The following NUP98 variants were observed in gnomAD, a reference collection of about 807,000 sequenced individuals.
The protein encoded by NUP98 is nuclear pore complex protein Nup98-Nup96.
Under a neutral mutation model 191.9 loss-of-function variants are expected in NUP98, and 26 were observed. The ratio of observed to expected loss-of-function variants is 0.14; its 90% CI spans 0.10 to 0.19. NUP98 has a LOEUF of 0.19. Among genes scored for constraint, NUP98 ranks in the 10% least tolerant of loss-of-function variants. The pLI, the probability that NUP98 is intolerant of heterozygous loss-of-function variation, is 1.00. For synonymous variants in NUP98, 808 were observed against 778.4 expected (o/e 1.04, Z -0.63); for missense variants, 1,941 against 2,178.8 (o/e 0.89, Z 2.17).
intron 15 of NUP98, among the ~76,000 whole-genome samples, chr11:3,724,678 A>C (rs1171974291): frequency 6.6e-6 from 1 of 150,612 alleles, no homozygotes; most frequent in East Asian, 2.0e-4. Context: ...CTGTATTCCC[A>C]GCTACATGGG....
chr11:3,792,489 T>C (rs1348843311), intron 1 of NUP98, among the ~76,000 whole-genome samples: 1 of 152,062 alleles, frequency 6.6e-6, no homozygotes, highest in East Asian at 1.9e-4. Flanking sequence ...TACACACCTG[T>C]AGTCCCAGCT....
intron 30 of NUP98, 42 bp downstream of exon 30, chr11:3,683,158 G>A: frequency 9.9e-6 from 16 of 1,610,516 alleles, no homozygotes; most frequent in Non-Finnish European, 1.4e-5. Context: ...GAGGTTGGAG[G>A]AATTTGGGGT....
intron 8 of NUP98, among the ~76,000 whole-genome samples, chr11:3,764,477 G>GT (rs931857673): frequency 1.3e-5 from 2 of 152,084 alleles, no homozygotes; most frequent in African/African-American, 2.4e-5. Flanking sequence ...GGGTCATATC[G>GT]TAACTCTGTT....
intron 30 of NUP98, among the ~76,000 whole-genome samples, chr11:3,681,888 T>G (rs151207973): frequency 3.7e-4 from 57 of 152,340 alleles, no homozygotes; most frequent in African/African-American, 1.3e-3. Flanking sequence ...TGAAAGTCCT[T>G]GGTGGCATCT....
chr11:3,751,642 T>G (rs1039725403), intron 11 of NUP98, among the ~76,000 whole-genome samples: 18 of 152,114 alleles, frequency 1.2e-4, no homozygotes, highest in Non-Finnish European at 2.2e-4. Flanking sequence ...GAGGATGGCT[T>G]CAGCCCAGGG....
intron 18 of NUP98, among the ~76,000 whole-genome samples, chr11:3,717,769 G>A (rs1474295555): frequency 6.6e-6 from 1 of 152,172 alleles, no homozygotes; most frequent in East Asian, 1.9e-4. Context: ...AAAGCCTTCT[G>A]TATTTGAGTG....
intron 24 of NUP98, 141 bp from the exon 25 acceptor site, chr11:3,699,489 T>A (rs1388398623): frequency 3.5e-6 from 3 of 847,094 alleles, no homozygotes; most frequent in Non-Finnish European, 5.4e-6. Context: ...ACCCTGAATC[T>A]GTCTCTACCT....
intron 27 of NUP98, among the ~76,000 whole-genome samples, chr11:3,691,797 G>A (rs1047183963): frequency 1.3e-5 from 2 of 152,072 alleles, no homozygotes; most frequent in Admixed American, 6.6e-5. Context: ...CAGGTGATAC[G>A]CCTGCCTTAG....
In NUP98 at chr11:3,740,607, C is replaced by T. The variant is rs74978951; in HGVS notation, c.1408+3902G>A. Among the ~76,000 whole-genome samples the T allele has an allele frequency of 7.5e-3, 1,144 of 151,972 alleles. 23 individuals carry two copies. The highest frequency in any genetic ancestry group is 0.053 in the East Asian group (276 of 5,168). ...GCTCAATACACAGGTCAAAGTATGC[C>T]TTTCTCTAAGTAAACACATAAAAAG... On this transcript the variant is annotated intron_variant, in intron 12 of 32. Transcript: ENST00000324932.
Position 3,676,082 on chromosome 11 carries a change from A to T in NUP98, c.*77T>A. 7.2e-7 allele frequency: 1 copy of T among 1,387,842 alleles called. No homozygotes were observed. Among genetic ancestry groups the T allele is most frequent in the Non-Finnish European group, 1.0e-6 (1 of 1,002,670 alleles). 86.0% of individuals were successfully genotyped at this position (1,387,842 alleles called of 1,614,324 possible). ...ACAGCCAACCCAGAGAATGGCAAAC[A>T]GTGCCAATCCAAACAAGGCAGGGAA... On this transcript the variant is annotated 3_prime_UTR_variant, in exon 33 of 33. Coordinates refer to ENST00000324932, the MANE Select transcript of NUP98 (RefSeq NM_016320.5).
intron 28 of NUP98, among the ~76,000 whole-genome samples, chr11:3,687,282 C>T (rs2078160004): frequency 6.6e-6 from 1 of 152,158 alleles, no homozygotes; most frequent in Admixed American, 6.5e-5. Flanking sequence ...TTCCTGGATA[C>T]AAGTTCTCTA....
intron 12 of NUP98, among the ~76,000 whole-genome samples, chr11:3,739,873 C>A (rs1364847441): frequency 1.3e-5 from 2 of 152,002 alleles, no homozygotes; most frequent in Non-Finnish European, 2.9e-5. Flanking sequence ...TGGATTTCCT[C>A]CTCTGCCACC....
intron 2 of NUP98, among the ~76,000 whole-genome samples, chr11:3,781,209 A>AAT (rs1554904019): frequency 6.7e-6 from 1 of 149,328 alleles, no homozygotes; most frequent in African/African-American, 2.5e-5. Flanking sequence ...AAAAAAAAAA[A>AAT]TTTTCATCAA....
At chr11:3,706,662 A>C in intron 20 of NUP98, 35 bp from the exon 21 acceptor site, 1 of 1,552,736 alleles carries the variant, frequency 6.4e-7, no homozygotes, top group Non-Finnish European at 8.8e-7. Context: ...AAGCAGCATT[A>C]AATTATACCA....
chr11:3,760,669 A>T lies in NUP98; in HGVS notation c.1087-43T>A, dbSNP rs757234858. 2.0e-5 allele frequency: 31 copies of T among 1,544,480 alleles called. No homozygotes were observed. The East Asian group carries it at 7.0e-4, about 35-fold the overall frequency. ...CAGGAAAATTTAAAATAATATTAAG[A>T]CACACACCAAACTAAATACAGGTTA... On this transcript the variant is annotated intron_variant, in intron 9 of 32. Coordinates refer to ENST00000324932, the MANE Select transcript of NUP98 (RefSeq NM_016320.5).
intron 12 of NUP98, among the ~76,000 whole-genome samples, chr11:3,737,097 C>A (rs1589841146): frequency 6.6e-6 from 1 of 152,050 alleles, no homozygotes; most frequent in Admixed American, 6.6e-5. Flanking sequence ...GAAGAAGAAA[C>A]CTCTTTGCAA....
chr11:3,774,809 T>G (rs750838145), intron 5 of NUP98, among the ~76,000 whole-genome samples: 1 of 152,234 alleles, frequency 6.6e-6, no homozygotes, highest in African/African-American at 2.4e-5. Context: ...ATTGCCAGTT[T>G]TCTCAACTAC....
chr11:3,683,119 T>G, intron 30 of NUP98, 81 bp downstream of exon 30: 2 of 1,570,776 alleles, frequency 1.3e-6, no homozygotes, highest in South Asian at 2.4e-5. Flanking sequence ...TGAGTCTTAT[T>G]TCCAGTCTGA....
chr11:3,725,997 G>T (rs144380260), intron 14 of NUP98, among the ~76,000 whole-genome samples: 3 of 152,068 alleles, frequency 2.0e-5, no homozygotes, highest in Non-Finnish European at 2.9e-5. Flanking sequence ...CTGTTTTGTT[G>T]AAACAAGGTT....
Sources: allele counts gnomAD v4.1 joint callset (sites outside exome capture counted in the v4.1 genomes callset), GRCh38; gene constraint gnomAD v4.1.1; transcripts MANE v1.5; gene names NCBI Gene and HGNC (gene_info 2026-07-23, HGNC 2026-07-21).